The following AOAH variants were observed in gnomAD, a reference collection of about 807,000 sequenced individuals.
AOAH encodes acyloxyacyl hydrolase.
Under a neutral mutation model 92.2 loss-of-function variants are expected in AOAH, and 64 were observed. The observed-to-expected ratio is 0.69, with a 90% CI of 0.57 to 0.86. The LOEUF (loss-of-function observed/expected upper bound fraction) is 0.86. Ranked by LOEUF, AOAH falls within the 40% of genes least tolerant of loss-of-function variation. The pLI, the probability that AOAH is intolerant of heterozygous loss-of-function variation, is 0.00. For missense variants in AOAH, 656 were observed against 694.6 expected, an observed-to-expected ratio of 0.94 and a Z score of 0.62; for synonymous variants, 263 against 254.5, an observed-to-expected ratio of 1.03 and a Z score of -0.32.
intron 13 of AOAH, among the ~76,000 whole-genome samples, chr7:36,557,883 C>T (rs1262863761): frequency 1.2e-4 from 18 of 151,500 alleles, no homozygotes; most frequent in African/African-American, 4.4e-4. Context: ...GTTATACATT[C>T]GTCTAAATTT....
At chr7:36,690,030 G>A (rs950393183) in intron 1 of AOAH, 6 of 318,692 alleles carry the variant, frequency 1.9e-5, no homozygotes, top group East Asian at 1.9e-4. Flanking sequence ...GTTTTAATCC[G>A]TGGCTTAGAA....
At chr7:36,537,002 C>A (rs1209177677) in intron 16 of AOAH, among the ~76,000 whole-genome samples, 1 of 151,392 alleles carries the variant, frequency 6.6e-6, no homozygotes, top group Admixed American at 6.6e-5. Flanking sequence ...AATGCAGCCC[C>A]CTCTTGAAGT....
intron 11 of AOAH, among the ~76,000 whole-genome samples, chr7:36,607,841 G>A (rs1401294625): frequency 6.6e-6 from 1 of 152,206 alleles, no homozygotes; most frequent in Non-Finnish European, 1.5e-5. Flanking sequence ...ATTGCCTCTA[G>A]CCGGGCAGAT....
chr7:36,658,637 A>T (rs1795025857), intron 4 of AOAH, among the ~76,000 whole-genome samples: 1 of 152,192 alleles, frequency 6.6e-6, no homozygotes, highest in Non-Finnish European at 1.5e-5. Flanking sequence ...AAACTGTATC[A>T]GTTATTGTGC....
intron 1 of AOAH, among the ~76,000 whole-genome samples, chr7:36,722,808 T>C (rs1400747647): frequency 1.3e-5 from 2 of 151,522 alleles, no homozygotes; most frequent in East Asian, 3.9e-4. Flanking sequence ...GTGGTGTGCA[T>C]CTGTAATCCC....
intron 15 of AOAH, among the ~76,000 whole-genome samples, chr7:36,541,516 G>A (rs1785422247): frequency 7.4e-5 from 1 of 13,442 alleles, no homozygotes; most frequent in South Asian, 0.022. Context: ...AGTAAGGAAT[G>A]TACAAAATAC....
intron 11 of AOAH, among the ~76,000 whole-genome samples, chr7:36,616,171 G>C (rs535684694): frequency 3.7e-4 from 57 of 152,352 alleles, no homozygotes; most frequent in African/African-American, 1.3e-3. Context: ...GTTCCTGGCA[G>C]CAGCTGGGCT....
chr7:36,544,378 GT>G (rs1167713454), intron 15 of AOAH, among the ~76,000 whole-genome samples: 1 of 152,120 alleles, frequency 6.6e-6, no homozygotes, highest in Non-Finnish European at 1.5e-5. Flanking sequence ...GGTCTCTCTG[GT>G]GTCTGCCAAA....
chr7:36,589,760 A>G (rs371204047), intron 12 of AOAH, among the ~76,000 whole-genome samples: 72 of 152,306 alleles, frequency 4.7e-4, no homozygotes, highest in Middle Eastern at 3.4e-3. Flanking sequence ...GGGATTTTAA[A>G]TGATGCTTTC....
At chr7:36,680,517 A>T (rs965540575) in intron 2 of AOAH, among the ~76,000 whole-genome samples, 2 of 152,228 alleles carry the variant, frequency 1.3e-5, no homozygotes, top group African/African-American at 4.8e-5. Flanking sequence ...ACCAGACAGA[A>T]GGCAATGCAA....
intron 19 of AOAH, among the ~76,000 whole-genome samples, chr7:36,527,772 G>A (rs971789179): frequency 1.3e-5 from 2 of 152,208 alleles, no homozygotes; most frequent in Non-Finnish European, 2.9e-5. Flanking sequence ...GAAGACAGTT[G>A]TAAATTCTGG....
At chr7:36,667,365 GGATT>G (rs1220063108) in intron 3 of AOAH, among the ~76,000 whole-genome samples, 2 of 152,106 alleles carry the variant, frequency 1.3e-5, no homozygotes, top group African/African-American at 2.4e-5. Flanking sequence ...CTCAGTTACC[GGATT>G]GATTGTCACC....
intron 13 of AOAH, among the ~76,000 whole-genome samples, chr7:36,570,068 T>A (rs145849167): frequency 1.3e-5 from 2 of 152,312 alleles, no homozygotes; most frequent in Admixed American, 1.3e-4. Context: ...CACAATACAG[T>A]ACTATCATCT....
chr7:36,616,264 T>A (rs1791871550), intron 11 of AOAH, 116 bp downstream of exon 11: 2 of 812,856 alleles, frequency 2.5e-6, no homozygotes, highest in Non-Finnish European at 2.0e-6. Context: ...CATGGCAGAT[T>A]TTGCTAAAGA....
chr7:36,648,663 C>A (rs1283583147), intron 4 of AOAH, among the ~76,000 whole-genome samples: 1 of 147,310 alleles, frequency 6.8e-6, no homozygotes, highest in Non-Finnish European at 1.5e-5. Flanking sequence ...AGTCTTTAAT[C>A]ATTTGGGATT....
At chr7:36,638,133 A>G (rs116457914) in intron 4 of AOAH, among the ~76,000 whole-genome samples, 350 of 152,304 alleles carry the variant, frequency 2.3e-3, no homozygotes, top group African/African-American at 7.9e-3. Context: ...TGGAAACATT[A>G]TCTTATTTAC....
At chr7:36,656,274 G>T (rs551750501) in intron 4 of AOAH, among the ~76,000 whole-genome samples, 190 of 152,276 alleles carry the variant, frequency 1.2e-3, no homozygotes, top group African/African-American at 4.5e-3. Flanking sequence ...AGACACAAAG[G>T]AGCATATACC....
chr7:36,655,880 T>A (rs1378796968), intron 4 of AOAH, among the ~76,000 whole-genome samples: 1 of 152,034 alleles, frequency 6.6e-6, no homozygotes, highest in African/African-American at 2.4e-5. Context: ...CAGGAATATA[T>A]CTTGTAAAGT....
intron 5 of AOAH, among the ~76,000 whole-genome samples, chr7:36,636,671 C>T (rs1793546375): frequency 1.3e-5 from 2 of 152,226 alleles, no homozygotes; most frequent in African/African-American, 4.8e-5. Context: ...GAAATGCCTA[C>T]ATATTGCCTG....
Sources: allele counts gnomAD v4.1 joint callset (sites outside exome capture counted in the v4.1 genomes callset), GRCh38; gene constraint gnomAD v4.1.1; transcripts MANE v1.5; gene names NCBI Gene and HGNC (gene_info 2026-07-23, HGNC 2026-07-21).